Variants in PCDH7 observed in about 807,000 individuals in gnomAD.
PCDH7 encodes protocadherin-7.
A neutral mutation model predicts 58.9 loss-of-function variants in PCDH7; 17 were observed. The ratio of observed to expected loss-of-function variants is 0.29; its 90% CI spans 0.20 to 0.43. The LOEUF is 0.43. Among genes scored for constraint, PCDH7 ranks in the 20% least tolerant of loss-of-function variants. The probability of loss-of-function intolerance (pLI) is 1.00; values close to 1 mark genes in which losing one functional copy is unlikely to be tolerated. For synonymous variants in PCDH7, 664 were observed against 616.4 expected (o/e 1.08, Z -1.14); for missense variants, 1,274 against 1,441.0 (o/e 0.88, Z 1.88).
intron 1 of PCDH7, among the ~76,000 whole-genome samples, chr4:30,897,624 AT>A (rs1739619485): frequency 6.6e-6 from 1 of 152,204 alleles, no homozygotes; most frequent in Admixed American, 6.5e-5. Flanking sequence ...GAGTTCTATA[AT>A]TCCTAAATTT....
At chr4:31,091,755 T>C (rs1204538233) in intron 3 of PCDH7, among the ~76,000 whole-genome samples, 9 of 152,036 alleles carry the variant, frequency 5.9e-5, no homozygotes, top group Non-Finnish European at 1.5e-5. Context: ...TAAAAATATA[T>C]AATTCTCACT....
intron 1 of PCDH7, among the ~76,000 whole-genome samples, chr4:30,859,240 C>G (rs760195332): frequency 3.9e-5 from 6 of 152,060 alleles, no homozygotes; most frequent in Admixed American, 6.6e-5. Flanking sequence ...CATTAAGGGT[C>G]AATATATGAT....
intron 3 of PCDH7, among the ~76,000 whole-genome samples, chr4:31,024,171 A>G (rs777302945): frequency 6.6e-6 from 1 of 152,230 alleles, no homozygotes; most frequent in Non-Finnish European, 1.5e-5. Context: ...ACTGTGGAGA[A>G]TAATATTTGA....
chr4:30,850,111 T>A (rs994634966), intron 1 of PCDH7, among the ~76,000 whole-genome samples: 11 of 152,184 alleles, frequency 7.2e-5, no homozygotes, highest in Non-Finnish European at 2.9e-5. Context: ...GACCAGCTAC[T>A]GTCTCTTATA....
At chr4:30,750,147 T>C (rs1408555506) in intron 1 of PCDH7, among the ~76,000 whole-genome samples, 1 of 152,176 alleles carries the variant, frequency 6.6e-6, no homozygotes, top group Non-Finnish European at 1.5e-5. Context: ...TTCTGATCTA[T>C]AATGAGTAGT....
At chr4:31,128,272 T>C (rs1470742771) in intron 3 of PCDH7, among the ~76,000 whole-genome samples, 1 of 152,086 alleles carries the variant, frequency 6.6e-6, no homozygotes, top group Non-Finnish European at 1.5e-5. Flanking sequence ...TCATGGGTCA[T>C]GGCGCTCAGT....
At chr4:31,013,592 T>TACAC (rs138674335) in intron 3 of PCDH7, among the ~76,000 whole-genome samples, 58,015 of 146,188 alleles carry the variant, frequency 0.4, 12,778 homozygotes, top group East Asian at 0.71. Context: ...ATATATTTTA[T>TACAC]ACACACACAC....
At chr4:30,812,219 T>G (rs1245219388) in intron 1 of PCDH7, among the ~76,000 whole-genome samples, 3 of 152,180 alleles carry the variant, frequency 2.0e-5, no homozygotes, top group Admixed American at 6.5e-5. Flanking sequence ...GTCTGTGTAA[T>G]GTATTTGAGA....
chr4:30,920,776 C>T (rs1204530240), intron 2 of PCDH7, among the ~76,000 whole-genome samples: 1 of 152,124 alleles, frequency 6.6e-6, no homozygotes, highest in Non-Finnish European at 1.5e-5. Context: ...ATGAAAGAAA[C>T]ATACCTTGCT....
intron 1 of PCDH7, among the ~76,000 whole-genome samples, chr4:30,906,670 A>G (rs1464495511): frequency 2.6e-5 from 4 of 152,198 alleles, no homozygotes; most frequent in African/African-American, 7.2e-5. Context: ...GTAATTTGAT[A>G]TATTAGAAAA....
intron 3 of PCDH7, 64 bp from the exon 3 acceptor site, chr4:31,142,409 T>G: frequency 1.6e-6 from 2 of 1,242,530 alleles, no homozygotes; most frequent in Non-Finnish European, 2.1e-6. Context: ...TCTAATTTCA[T>G]ATAGATCAGG....
intron 3 of PCDH7, among the ~76,000 whole-genome samples, chr4:31,011,947 CT>C (rs1753218604): frequency 6.6e-6 from 1 of 151,716 alleles, no homozygotes; most frequent in Admixed American, 6.6e-5. Flanking sequence ...GCATTCTTGC[CT>C]TTTAGTTAAA....
chr4:31,142,553 T>C, exon 4 of PCDH7: 3 of 1,367,802 alleles, frequency 2.2e-6, no homozygotes, highest in Non-Finnish European at 2.9e-6. Context: ...AGACTCCTGC[T>C]GGATGCCGGT....
At chr4:31,088,644 GA>G (rs1208903693) in intron 3 of PCDH7, among the ~76,000 whole-genome samples, 1 of 151,918 alleles carries the variant, frequency 6.6e-6, no homozygotes, top group African/African-American at 2.4e-5. Flanking sequence ...GCAATGAAGA[GA>G]ACATCTTATA....
At chr4:31,088,850 A>G (rs1428596548) in intron 3 of PCDH7, among the ~76,000 whole-genome samples, 1 of 152,212 alleles carries the variant, frequency 6.6e-6, no homozygotes, top group East Asian at 1.9e-4. Flanking sequence ...AGTAGAGTGT[A>G]ATAAAAGCTC....
At chr4:31,053,614 A>G (rs1028673087) in intron 3 of PCDH7, among the ~76,000 whole-genome samples, 2 of 152,202 alleles carry the variant, frequency 1.3e-5, no homozygotes, top group African/African-American at 4.8e-5. Flanking sequence ...TGATTTCTTT[A>G]TCTTCTGCTG....
intron 1 of PCDH7, among the ~76,000 whole-genome samples, chr4:30,859,632 G>C (rs756237039): frequency 1.4e-4 from 22 of 152,030 alleles, no homozygotes; most frequent in Admixed American, 9.8e-4. Context: ...TAGAGAAGGA[G>C]TTTCACCATG....
At chr4:30,881,500 A>T (rs1375701806) in intron 1 of PCDH7, among the ~76,000 whole-genome samples, 2 of 152,188 alleles carry the variant, frequency 1.3e-5, no homozygotes, top group African/African-American at 2.4e-5. Context: ...GAGATCATTG[A>T]GGAATTCATG....
At chr4:31,116,309 G>A (rs1249925318) in intron 3 of PCDH7, among the ~76,000 whole-genome samples, 1 of 152,186 alleles carries the variant, frequency 6.6e-6, no homozygotes. Context: ...GTTATAAAAA[G>A]GGTCCATAAA....
Sources: gnomAD v4.1 joint callset for allele counts (sites outside exome capture counted in the v4.1 genomes callset) on GRCh38, gnomAD v4.1.1 for gene constraint, MANE v1.5 for transcripts, NCBI Gene and HGNC (gene_info 2026-07-23, HGNC 2026-07-21) for gene names.